The following NHS variants were observed in gnomAD, a reference collection of about 807,000 sequenced individuals.
NHS encodes the protein actin remodeling regulator NHS.
In NHS, 5 loss-of-function variants were observed where a neutral mutation model predicts 72.5. That is an observed-to-expected ratio of 0.07 (90% CI 0.04 to 0.14). NHS has a LOEUF of 0.14. Among genes scored for constraint, NHS ranks in the 10% least tolerant of loss-of-function variants. The pLI is 1.00. For synonymous variants in NHS, 464 were observed against 547.7 expected (o/e 0.85, Z 2.13); for missense variants, 1,072 against 1,355.7 (o/e 0.79, Z 3.29).
Position 17,726,811 on chromosome X carries a change from A to G in NHS, c.2705A>G (p.Glu902Gly). The G allele has an allele frequency of 8.3e-7, 1 of 1,211,910 alleles. No individual in the cohort carries two copies. The highest frequency in any genetic ancestry group is 3.0e-5 in the East Asian group (1 of 33,846). ...LDFANTPSRM[E>G]NANLPTKQEP... ...TTCGCCAACACGCCTTCTCGAATGG[A>G]AAACGCCAATCTTCCCACCAAGCAG... The change falls in exon 7 of 9, where the codon GAA becomes GGA. Residue 902 changes from glutamate (E) to glycine (G), a missense_variant. Physicochemically the swap from Glu to Gly is moderately conservative, Grantham distance 98. Coordinates refer to ENST00000676302, the MANE Select transcript of NHS (RefSeq NM_001291867.2).
intron 1 of NHS, among the ~76,000 whole-genome samples, chrX:17,584,572 T>C (rs1357660523): frequency 8.9e-6 from 1 of 112,523 alleles, no homozygotes; most frequent in African/African-American, 3.2e-5. Flanking sequence ...GTTCTTGTGA[T>C]ATGAACAAAC....
chrX:17,407,232 T>C lies in NHS; in HGVS notation c.565+30910T>C, dbSNP rs188222852. On this transcript the variant is annotated intron_variant, in intron 1 of 8. Transcript: ENST00000676302. ...AGAGTTACAGGGAGATTGTGGTGTT[T>C]CCTCTTCTGGTGTCAGAGTGTTGTT... Among the ~76,000 whole-genome samples, 204 of 112,123 alleles carry C rather than the reference T, an allele frequency of 1.8e-3. 1 individual carries two copies. The Middle Eastern group carries it at 0.032, about 18-fold the overall frequency.
At chrX:17,700,020 T>A (rs1393988273) in intron 3 of NHS, among the ~76,000 whole-genome samples, 1 of 111,645 alleles carries the variant, frequency 9.0e-6, no homozygotes, top group African/African-American at 3.3e-5. Flanking sequence ...TAAATACCTC[T>A]TAAAAACTGA....
chrX:17,415,499 A>G (rs764271032), intron 1 of NHS, among the ~76,000 whole-genome samples: 1 of 111,061 alleles, frequency 9.0e-6, no homozygotes, highest in South Asian at 3.9e-4. Context: ...ATTCAAGCAT[A>G]ATTGCTCGGC....
At chrX:17,456,933 A>T (rs1006056062) in intron 1 of NHS, among the ~76,000 whole-genome samples, 2 of 111,919 alleles carry the variant, frequency 1.8e-5, no homozygotes, top group Non-Finnish European at 3.8e-5. Flanking sequence ...CTCGGCTGGG[A>T]TTTTTGAGGC....
chrX:17,556,663 T>C (rs966950789), intron 1 of NHS, among the ~76,000 whole-genome samples: 2 of 112,775 alleles, frequency 1.8e-5, no homozygotes, highest in Admixed American at 9.4e-5. Context: ...AGTGGCAGCG[T>C]TGAGCTCTAC....
At chrX:17,570,106 G>C (rs2065467572) in intron 1 of NHS, among the ~76,000 whole-genome samples, 1 of 111,924 alleles carries the variant, frequency 8.9e-6, no homozygotes, top group Non-Finnish European at 1.9e-5. Context: ...GTAGCATGAT[G>C]CCTCCAGCTT....
At chrX:17,604,572 G>A (rs1021675308) in intron 1 of NHS, among the ~76,000 whole-genome samples, 41 of 112,346 alleles carry the variant, frequency 3.6e-4, no homozygotes, top group African/African-American at 1.3e-3. Context: ...GACTATTTAA[G>A]AGGAAGAAGG....
intron 1 of NHS, among the ~76,000 whole-genome samples, chrX:17,674,883 T>C (rs1222681618): frequency 9.0e-6 from 1 of 111,469 alleles, no homozygotes; most frequent in Non-Finnish European, 1.9e-5. Flanking sequence ...AGTTCACGAG[T>C]CAAGGAAGGA....
At chrX:17,430,259 T>TTTCTTTC (rs2064683551) in intron 1 of NHS, among the ~76,000 whole-genome samples, 7 of 51,570 alleles carry the variant, frequency 1.4e-4, no homozygotes, top group African/African-American at 5.8e-4. Flanking sequence ...CCCTCTTTCT[T>TTTCTTTC]TTTCTTTCTT....
At chrX:17,709,625 G>A in intron 3 of NHS, among the ~76,000 whole-genome samples, 1 of 112,016 alleles carries the variant, frequency 8.9e-6, no homozygotes, top group Admixed American at 9.5e-5. Flanking sequence ...CACTGAGATA[G>A]TAACAGCAGC....
At chrX:17,412,421 C>T (rs939036369) in intron 1 of NHS, among the ~76,000 whole-genome samples, 2 of 109,673 alleles carry the variant, frequency 1.8e-5, no homozygotes, top group South Asian at 3.9e-4. Flanking sequence ...ATGGCAAAAC[C>T]CCGTCTCTAC....
chrX:17,426,248 T>C (rs945296650), intron 1 of NHS, among the ~76,000 whole-genome samples: 1 of 112,125 alleles, frequency 8.9e-6, no homozygotes, highest in African/African-American at 3.2e-5. Flanking sequence ...CACCCATGCT[T>C]GTGAAACATC....
chrX:17,721,117 G>A (rs1384922401), intron 4 of NHS, among the ~76,000 whole-genome samples: 2 of 111,885 alleles, frequency 1.8e-5, no homozygotes, highest in African/African-American at 6.5e-5. Context: ...GAGATAGCTT[G>A]AAAGTGGATC....
intron 1 of NHS, among the ~76,000 whole-genome samples, chrX:17,564,556 G>A (rs747131413): frequency 5.5e-4 from 62 of 112,397 alleles, no homozygotes; most frequent in Middle Eastern, 4.6e-3. Context: ...GAATGATTCT[G>A]TGTGTGGTGT....
At chrX:17,390,379 A>T (rs1442987656) in intron 1 of NHS, among the ~76,000 whole-genome samples, 1 of 87,752 alleles carries the variant, frequency 1.1e-5, no homozygotes, top group African/African-American at 4.3e-5. Context: ...ACCTCAGCCC[A>T]CCCCCTCCCC....
intron 1 of NHS, among the ~76,000 whole-genome samples, chrX:17,445,504 C>T (rs1211701282): frequency 9.0e-6 from 1 of 110,807 alleles, no homozygotes; most frequent in Non-Finnish European, 1.9e-5. Flanking sequence ...TTGTGTGTAG[C>T]TGCAGATTGT....
At chrX:17,578,624 TAAC>T in intron 1 of NHS, among the ~76,000 whole-genome samples, 1 of 112,261 alleles carries the variant, frequency 8.9e-6, no homozygotes, top group East Asian at 2.8e-4. Flanking sequence ...TCATGTGTAA[TAAC>T]AGCCATTAGC....
intron 1 of NHS, among the ~76,000 whole-genome samples, chrX:17,652,144 A>G (rs1472337124): frequency 8.9e-6 from 1 of 112,544 alleles, no homozygotes; most frequent in Non-Finnish European, 1.9e-5. Flanking sequence ...AATACTTTCT[A>G]CCTGGCCCTT....
Sources: gnomAD v4.1 joint callset for allele counts (sites outside exome capture counted in the v4.1 genomes callset) on GRCh38, gnomAD v4.1.1 for gene constraint, MANE v1.5 for transcripts, NCBI Gene and HGNC (gene_info 2026-07-23, HGNC 2026-07-21) for gene names.